Variants in MAP3K21 observed in about 807,000 individuals in gnomAD.
The protein encoded by MAP3K21 is mitogen-activated protein kinase kinase kinase 21, also known as mitogen-activated protein kinase kinase kinase MLK4.
In MAP3K21, 63 loss-of-function variants were observed where a neutral mutation model predicts 86.1. The ratio of observed to expected loss-of-function variants is 0.73; its 90% CI spans 0.60 to 0.90. MAP3K21 has a LOEUF of 0.90. MAP3K21 is among the 40% of genes least tolerant of loss of function. MAP3K21 has a pLI of 0.00. For synonymous variants in MAP3K21, 558 were observed against 564.8 expected, an observed-to-expected ratio of 0.99 and a Z score of 0.17; for missense variants, 1,220 against 1,367.7, an observed-to-expected ratio of 0.89 and a Z score of 1.70.
At chr1:233,372,258 G>A (rs1663700135) in intron 6 of MAP3K21, 98 bp downstream of exon 6, 1 of 1,415,200 alleles carries the variant, frequency 7.1e-7, no homozygotes, top group South Asian at 1.3e-5. Context: ...ATAGCAGGTT[G>A]TAGATGAGTG....
intron 1 of MAP3K21, among the ~76,000 whole-genome samples, chr1:233,330,450 T>G (rs1292336505): frequency 6.6e-6 from 1 of 152,206 alleles, no homozygotes. Context: ...ATATATTTTT[T>G]TCAATAAAAG....
Position 233,328,237 on chromosome 1 carries a change from A to G in MAP3K21, c.209A>G (p.Gln70Arg). 6.7e-7 allele frequency: 1 copy of G among 1,490,086 alleles called. No individual in the cohort carries two copies. The highest frequency in any genetic ancestry group is 8.9e-7 in the Non-Finnish European group (1 of 1,128,292). The allele number at this position is 1,490,086 out of a possible 1,614,324, so 92.3% of individuals were successfully genotyped here. A position where few individuals can be genotyped will look rare whatever the true frequency, so the allele number is the denominator to read the frequency against. Reference sequence around the variant, plus strand: ...GGCCAGCTGGTGGAGGTGCTGTCGCAGGACGCCGCCGTGTCGGGCGACGAG... The same window carrying G: ...GGCCAGCTGGTGGAGGTGCTGTCGCGGGACGCCGCCGTGTCGGGCGACGAG... ...RRGQLVEVLS[Q>R]DAAVSGDEGW... The change falls in exon 1 of 10, where the codon CAG becomes CGG. Residue 70 changes from glutamine (Q) to arginine (R), a missense_variant. By Grantham distance (43) the Gln-to-Arg change is conservative (BLOSUM62 1). Around this residue, in one of 5 missense-constraint regions of MAP3K21, gnomAD observed 369 missense variants for 385.3 expected, o/e 0.96. Transcript: ENST00000366624. This position sits in a 1 kb window ranked among gnomAD's most constrained non-coding sequence, Gnocchi z 8.7.
rs1663966383 is a variant in MAP3K21, at chr1:233,384,249, T to A, written c.*1538T>A. 6.6e-6 allele frequency: 1 copy of A among 152,114 alleles called. No homozygotes were observed. The highest frequency in any genetic ancestry group is 1.5e-5 in the Non-Finnish European group (1 of 67,996). The allele number at this position is 152,114 out of a possible 1,614,324, so 9.4% of individuals were successfully genotyped here. ...CACCTATAATAGAAGAAAAGGAAAA[T>A]CATATTATTTGGCAATTTTGCAGCA... On this transcript the variant is annotated 3_prime_UTR_variant, in exon 10 of 10. Coordinates refer to ENST00000366624, the MANE Select transcript of MAP3K21 (RefSeq NM_032435.3).
At chr1:233,341,785 G>A (rs1181899112) in intron 1 of MAP3K21, among the ~76,000 whole-genome samples, 2 of 152,052 alleles carry the variant, frequency 1.3e-5, no homozygotes, top group Non-Finnish European at 2.9e-5. Context: ...TTCATCAGTC[G>A]TTTCTCATGT....
At position 233,379,143 on chromosome 1, in the gene MAP3K21, TC is replaced by T. The variant is rs1375324580; in HGVS notation, c.2143del (p.Gln715ArgfsTer236). 4 of 1,613,948 alleles carry T rather than the reference TC, an allele frequency of 2.5e-6. No homozygotes were observed. The highest frequency in any genetic ancestry group is 3.4e-6 in the Non-Finnish European group (4 of 1,180,002). The part of the protein sequence containing the change: ...EMTPTNSLSR[S>X]PQRKKTESAL... Reference sequence around the variant, plus strand: ...GACTCCTACGAATAGTCTGAGTAGATCCCCCCAGAGAAAGAAAACGGAGTCA... The same window carrying T: ...GACTCCTACGAATAGTCTGAGTAGATCCCCCAGAGAAAGAAAACGGAGTCA... On this transcript the variant is annotated frameshift_variant, in exon 9 of 10. Coordinates refer to ENST00000366624, the MANE Select transcript of MAP3K21 (RefSeq NM_032435.3). LOFTEE classifies it high-confidence loss of function.
chr1:233,352,772 T>G (rs996546492), intron 2 of MAP3K21, among the ~76,000 whole-genome samples: 1 of 152,212 alleles, frequency 6.6e-6, no homozygotes, highest in Non-Finnish European at 1.5e-5. Flanking sequence ...TATATGCTTA[T>G]GTGTTTCAAT....
chr1:233,366,093 A>G (rs1374462321), intron 5 of MAP3K21, among the ~76,000 whole-genome samples: 1 of 152,208 alleles, frequency 6.6e-6, no homozygotes, highest in African/African-American at 2.4e-5. Flanking sequence ...GTCAGGCACA[A>G]GAAAATAAAT....
chr1:233,363,840 C>T (rs969465743), intron 5 of MAP3K21, among the ~76,000 whole-genome samples: 1 of 139,420 alleles, frequency 7.2e-6, no homozygotes, highest in Non-Finnish European at 1.5e-5. Flanking sequence ...AACCTTGTCT[C>T]TACTAAAATA....
intron 5 of MAP3K21, among the ~76,000 whole-genome samples, chr1:233,364,442 C>G (rs986381198): frequency 6.6e-6 from 1 of 152,046 alleles, no homozygotes; most frequent in African/African-American, 2.4e-5. Flanking sequence ...CCTTGGGAAA[C>G]TTTGGGGAAG....
In MAP3K21 at chr1:233,350,205, C is replaced by T. The variant is rs79794065; in HGVS notation, c.986+3583C>T. Among the ~76,000 whole-genome samples the T allele has an allele frequency of 6.0e-3, 917 of 151,996 alleles. 20 individuals are homozygous for T. In the East Asian group the frequency reaches 0.062, roughly 10 times the overall value. On this transcript the variant is annotated intron_variant, in intron 2 of 9. Coordinates refer to ENST00000366624, the MANE Select transcript of MAP3K21 (RefSeq NM_032435.3). ...ATGTGAATGTGGTGTAAATGGCTGT[C>T]GTTCTGTATTGTTTCGAAAGTTGTA... is the stretch of plus-strand genomic sequence containing the variant.
At chr1:233,377,690 T>C (rs1663826106) in intron 8 of MAP3K21, among the ~76,000 whole-genome samples, 2 of 152,226 alleles carry the variant, frequency 1.3e-5, no homozygotes, top group South Asian at 4.1e-4. Context: ...AGGGATGGTT[T>C]CAGGATGATC....
At chr1:233,357,410 AAAAAG>A (rs1389141892) in intron 4 of MAP3K21, among the ~76,000 whole-genome samples, 5 of 151,936 alleles carry the variant, frequency 3.3e-5, no homozygotes, top group Non-Finnish European at 7.4e-5. Context: ...TAATTAAAAA[AAAAAG>A]AAAAAATAAA....
chr1:233,333,987 C>G (rs561735974), intron 1 of MAP3K21, among the ~76,000 whole-genome samples: 11 of 152,062 alleles, frequency 7.2e-5, no homozygotes, highest in Non-Finnish European at 1.5e-4. Flanking sequence ...CTCAGCCTCC[C>G]GAGTAGCTGG....
At chr1:233,346,380 G>GA in intron 1 of MAP3K21, 62 bp from the exon 2 acceptor site, 1 of 1,347,938 alleles carries the variant, frequency 7.4e-7, no homozygotes, top group Non-Finnish European at 1.0e-6. Context: ...ACATGCCACA[G>GA]AAAAATTGTG....
chr1:233,362,116 C>A lies in MAP3K21; in HGVS notation c.1375C>A (p.Leu459Met), dbSNP rs1663476575. 2.5e-6 allele frequency: 4 copies of A among 1,613,998 alleles called. No individual in the cohort carries two copies. In the East Asian group the frequency reaches 8.9e-5, roughly 36 times the overall value. ...TCTGCAGCAGAAGTCTCAGGAGGAG[C>A]TGCTAAAGCGGCGTGAGCAGCAGCT... ...AALQQKSQEE[L>M]LKRREQQLAE... The change falls in exon 5 of 10, where the codon CTG becomes ATG. Residue 459 changes from leucine to methionine, a missense_variant. Transcript: ENST00000366624.
At chr1:233,329,985 G>A (rs1662781617) in intron 1 of MAP3K21, among the ~76,000 whole-genome samples, 1 of 152,220 alleles carries the variant, frequency 6.6e-6, no homozygotes, top group Non-Finnish European at 1.5e-5. Flanking sequence ...TTCTTATAAT[G>A]AGATGAAATC....
intron 6 of MAP3K21, among the ~76,000 whole-genome samples, chr1:233,374,493 A>G (rs1663750543): frequency 1.3e-5 from 2 of 152,238 alleles, no homozygotes; most frequent in Admixed American, 1.3e-4. Context: ...TTATATGCAC[A>G]GACACGTGTA....
Position 233,379,186 on chromosome 1 carries a change from C to T in MAP3K21, c.2180C>T (p.Thr727Ile). The T allele has an allele frequency of 1.2e-6, 2 of 1,614,198 alleles. No individual in the cohort carries two copies. The highest frequency in any genetic ancestry group is 1.1e-5 in the South Asian group (1 of 91,082). The change falls in exon 9 of 10, where the codon ACC becomes ATC. Residue 727 changes from threonine to isoleucine, a missense_variant. Physicochemically the swap from Thr to Ile is moderately conservative, Grantham distance 89. Transcript: ENST00000366624. Reference protein sequence around the residue: ...KKTESALYGCTVLLASVALGL... With the variant: ...KKTESALYGCIVLLASVALGL... ...ACGGAGTCAGCTCTGTATGGGTGCA[C>T]CGTCCTTCTGGCATCGGTGGCTCTG...
rs1016228614 is a variant in MAP3K21, at chr1:233,345,321, T to G, written c.806-1121T>G. Among the ~76,000 whole-genome samples the G allele has an allele frequency of 2.0e-5, 3 of 152,068 alleles. No homozygotes were observed. The East Asian group carries it at 5.8e-4, about 29-fold the overall frequency. ...AGTACTATTCACGATAGCAACAACT[T>G]GGAACCAACCCAAATGTCCATCAAT... On this transcript the variant is annotated intron_variant, in intron 1 of 9. Transcript: ENST00000366624.
Sources: gnomAD v4.1 joint callset for allele counts (sites outside exome capture counted in the v4.1 genomes callset) on GRCh38, gnomAD v4.1.1 for gene constraint, gnomAD v4.1.1 regional missense constraint, Gnocchi (gnomAD v3.1) non-coding constraint, MANE v1.5 for transcripts, NCBI Gene and HGNC (gene_info 2026-07-23, HGNC 2026-07-21) for gene names.